The following ATAD3C variants were observed in gnomAD, a reference collection of about 807,000 sequenced individuals.
ATAD3C encodes the protein ATPase family AAA domain-containing protein 3C.
A neutral mutation model predicts 46.3 loss-of-function variants in ATAD3C; 38 were observed. That is an observed-to-expected ratio of 0.82 (90% CI 0.63 to 1.08). The LOEUF is 1.08. Among genes scored for constraint, ATAD3C ranks in the 50% least tolerant of loss-of-function variants. The pLI, the probability that ATAD3C is intolerant of heterozygous loss-of-function variation, is 0.00. For synonymous variants in ATAD3C, 220 were observed against 236.4 expected, an observed-to-expected ratio of 0.93 and a Z score of 0.63; for missense variants, 563 against 572.7, an observed-to-expected ratio of 0.98 and a Z score of 0.17.
rs909665847 is a variant in ATAD3C, at chr1:1,462,280, T to A, written c.981-320T>A. 6.6e-6 allele frequency among the ~76,000 whole-genome samples: 1 copy of A among 152,024 alleles called. No homozygotes were observed. Among genetic ancestry groups the A allele is most frequent in the African/African-American group, 2.4e-5 (1 of 41,398 alleles). ...GCACCATGACCTGGCTTCTGTGGCC[T>A]CCAGGCAGAAGCTTTTTTGCTAGAA... On this transcript the variant is annotated intron_variant, in intron 10 of 11. Transcript: ENST00000378785. This position sits in a 1 kb window ranked among gnomAD's most constrained non-coding sequence, Gnocchi z 4.5.
Position 1,455,733 on chromosome 1 carries a change from C to T in ATAD3C, c.439-58C>T, listed in dbSNP as rs937472713. The stretch of plus-strand genomic sequence containing the variant: ...CACCCAGGCATTCTCGCAGCCCCTG[C>T]CCCCGAGGCTTCTGTGGGTGCAGAC... On this transcript the variant is annotated intron_variant, in intron 5 of 11. Transcript: ENST00000378785. 8.1e-6 allele frequency: 13 copies of T among 1,604,890 alleles called. 1 individual carries two copies. Among genetic ancestry groups the T allele is most frequent in the African/African-American group, 4.0e-5 (3 of 74,550 alleles).
chr1:1,455,898 G>A lies in ATAD3C; in HGVS notation c.546G>A (p.Gly182=). Residue 182 remains glycine, a synonymous_variant, in exon 6 of 12, where the codon GGG becomes GGA. Transcript: ENST00000378785. The part of the protein sequence containing the change: ...HILLYGPPGT[G]KTLFAKKLAL... ...TGCTGTACGGGCCACCAGGCACCGG[G>A]AAGACGCTGTTTGCCAAGGTGAGAG... is the stretch of plus-strand genomic sequence containing the variant. The A allele has an allele frequency of 6.2e-7, 1 of 1,613,296 alleles. No individual in the cohort carries two copies. Among genetic ancestry groups the A allele is most frequent in the South Asian group, 1.1e-5 (1 of 91,008 alleles).
At position 1,468,487 on chromosome 1, in the gene ATAD3C, A is replaced by C; in HGVS notation, c.1193A>C (p.Lys398Thr). 3 of 1,611,712 alleles carry C rather than the reference A, an allele frequency of 1.9e-6. No individual in the cohort carries two copies. Among genetic ancestry groups the C allele is most frequent in the Non-Finnish European group, 2.5e-6 (3 of 1,179,030 alleles). The change falls in exon 12 of 12, where the codon AAG (lysine) becomes ACG (threonine). Residue 398 changes from lysine (K) to threonine (T), a missense_variant. Coordinates refer to ENST00000378785, the MANE Select transcript of ATAD3C (RefSeq NM_001039211.3). Reference protein sequence around the residue: ...QQHQQMMRWLKGERPGPEDEQ... With the variant: ...QQHQQMMRWLTGERPGPEDEQ... ...CACCAGCAGATGATGCGCTGGCTGAAGGGGGAGAGGCCTGGGCCCGAGGAC... is the reference window on the plus strand; with the variant it reads ...CACCAGCAGATGATGCGCTGGCTGACGGGGGAGAGGCCTGGGCCCGAGGAC...
intron 9 of ATAD3C, among the ~76,000 whole-genome samples, chr1:1,460,217 C>T (rs1306252648): frequency 2.6e-5 from 4 of 151,844 alleles, no homozygotes; most frequent in African/African-American, 4.8e-5. Flanking sequence ...GGATGACAGG[C>T]GTGCGCCACC....
chr1:1,455,600 C>A, intron 5 of ATAD3C, 81 bp downstream of exon 5: 2 of 1,599,710 alleles, frequency 1.3e-6, no homozygotes, highest in East Asian at 2.2e-5. Context: ...TGCTGGCGCT[C>A]CTGGTGGCGC....
intron 11 of ATAD3C, among the ~76,000 whole-genome samples, chr1:1,466,527 T>G (rs1639145314): frequency 7.7e-6 from 1 of 130,056 alleles, no homozygotes; most frequent in Non-Finnish European, 1.6e-5. Flanking sequence ...CAGAAGGAGA[T>G]GTCATCTCAA....
rs376940348 is a variant in ATAD3C, at chr1:1,450,497, G to T, written c.-187G>T. 1 of 724,648 alleles carries T rather than the reference G, an allele frequency of 1.4e-6. No homozygotes were observed. The highest frequency in any genetic ancestry group is 1.8e-5 in the African/African-American group (1 of 56,836). 44.9% of individuals were successfully genotyped at this position (724,648 alleles called of 1,614,324 possible). On this transcript the variant is annotated 5_prime_UTR_variant, in exon 1 of 12. Coordinates refer to ENST00000378785, the MANE Select transcript of ATAD3C (RefSeq NM_001039211.3). ...TAAAACCTCACAAATGCATCAGGCC[G>T]TGTGCTGGGGATGGGGCATCGTCAC...
chr1:1,452,104 CCTT>C lies in ATAD3C; in HGVS notation c.138_140del (p.Phe46del), dbSNP rs771962278. The C allele has an allele frequency of 1.2e-5, 20 of 1,613,576 alleles. 2 individuals carry two copies. Among genetic ancestry groups the C allele is most frequent in the Non-Finnish European group, 1.6e-5 (19 of 1,179,654 alleles). The stretch of plus-strand genomic sequence containing the variant: ...GAGTCCGTGCAGAAGCACCATCAGA[CCTT>C]CTTGGAGTCCATCAGGTGAGCGCTG... On this transcript the variant is annotated inframe_deletion, in exon 2 of 12. Transcript: ENST00000378785.
At chr1:1,461,426 G>T (rs1398201669) in intron 10 of ATAD3C, among the ~76,000 whole-genome samples, 2 of 152,014 alleles carry the variant, frequency 1.3e-5, no homozygotes, top group African/African-American at 4.8e-5. Flanking sequence ...GACCTCAGGT[G>T]ATCCGCCCGC....
In ATAD3C at chr1:1,450,807, G is replaced by A. The variant is rs773125518; in HGVS notation, c.75+49G>A. On this transcript the variant is annotated intron_variant, in intron 1 of 11. Transcript: ENST00000378785. ...GGAGGCCGGGGCACACATGGGGTTC[G>A]GGCGTGGAGATTGGTAGGGCTACTG... The A allele has an allele frequency of 5.8e-5, 93 of 1,607,288 alleles. 1 individual carries two copies. Among genetic ancestry groups the A allele is most frequent in the Non-Finnish European group, 7.1e-5 (84 of 1,177,382 alleles).
Position 1,459,072 on chromosome 1 carries a change from C to T in ATAD3C, c.742-89C>T, listed in dbSNP as rs1166977537. 2 of 1,566,420 alleles carry T rather than the reference C, an allele frequency of 1.3e-6. No homozygotes were observed. Among genetic ancestry groups the T allele is most frequent in the African/African-American group, 2.7e-5 (2 of 73,704 alleles). ...GAAAGTGTCGCCATGTCCCTGCTCC[C>T]TGCAGGAGGGAGGCCTGTGGGACTT... On this transcript the variant is annotated intron_variant, in intron 8 of 11. Coordinates refer to ENST00000378785, the MANE Select transcript of ATAD3C (RefSeq NM_001039211.3). The surrounding 1 kb of genome is among the most constrained non-coding windows in gnomAD (Gnocchi z 4.9).
chr1:1,466,009 G>A (rs1166111146), intron 11 of ATAD3C, among the ~76,000 whole-genome samples: 1 of 151,890 alleles, frequency 6.6e-6, no homozygotes, highest in Non-Finnish European at 1.5e-5. Flanking sequence ...ATAAAAGTGT[G>A]AGGTGGGTGG....
At chr1:1,457,097 C>T in intron 7 of ATAD3C, 32 bp from the exon 8 acceptor site, 1 of 1,612,626 alleles carries the variant, frequency 6.2e-7, no homozygotes, top group Non-Finnish European at 8.5e-7. Flanking sequence ...TGGCATCACT[C>T]TCACCCAGCT....
In ATAD3C at chr1:1,450,618, G is replaced by A. The variant is rs898875304; in HGVS notation, c.-66G>A. 19 of 1,556,534 alleles carry A rather than the reference G, an allele frequency of 1.2e-5. No homozygotes were observed. The African/African-American group carries it at 1.8e-4, about 14-fold the overall frequency. On this transcript the variant is annotated 5_prime_UTR_variant, in exon 1 of 12. Coordinates refer to ENST00000378785, the MANE Select transcript of ATAD3C (RefSeq NM_001039211.3). ...TTCCAGAAAGCCCCTTGGCTGGTGT[G>A]CGTGCCTGCCCAGCGGCATCCGTGT...
In ATAD3C at chr1:1,459,116, A is replaced by G; in HGVS notation, c.742-45A>G. ...GGGACTTTCTGCTGTGGCTGTTTAC[A>G]AGGCTTTGCTCCTGGTGCCTAAGGC... On this transcript the variant is annotated intron_variant, in intron 8 of 11. Transcript: ENST00000378785. This position sits in a 1 kb window ranked among gnomAD's most constrained non-coding sequence, Gnocchi z 4.9. 1 of 1,563,838 alleles carries G rather than the reference A, an allele frequency of 6.4e-7. No homozygotes were observed. The highest frequency in any genetic ancestry group is 8.6e-7 in the Non-Finnish European group (1 of 1,157,824).
intron 9 of ATAD3C, among the ~76,000 whole-genome samples, chr1:1,460,539 G>A (rs1222753180): frequency 6.6e-6 from 1 of 152,084 alleles, no homozygotes; most frequent in Non-Finnish European, 1.5e-5. Flanking sequence ...CAGAGGCCCA[G>A]GAAGCCGGGC....
At chr1:1,457,574 C>A (rs576316792) in intron 8 of ATAD3C, among the ~76,000 whole-genome samples, 6 of 120,118 alleles carry the variant, frequency 5.0e-5, no homozygotes, top group Admixed American at 2.2e-4. Context: ...CCAGCCTGGG[C>A]GACACAGCGA....
chr1:1,452,067 C>T lies in ATAD3C; in HGVS notation c.97C>T (p.Arg33Trp), dbSNP rs146946254. The T allele has an allele frequency of 8.0e-5, 129 of 1,613,646 alleles. No individual in the cohort carries two copies. In the East Asian group the frequency reaches 2.3e-3, roughly 28 times the overall value. ...KLKQLVNEDL[R>W]KQEESVQKHH... The stretch of plus-strand genomic sequence containing the variant: ...TCAGCAACTTGTCAATGAGGATTTA[C>T]GGAAGCAGGAGGAGTCCGTGCAGAA... The change falls in exon 2 of 12, where the codon CGG (arginine) becomes TGG (tryptophan). Residue 33 changes from arginine to tryptophan, a missense_variant. Coordinates refer to ENST00000378785, the MANE Select transcript of ATAD3C (RefSeq NM_001039211.3).
Position 1,452,087 on chromosome 1 carries a change from G to A in ATAD3C, c.117G>A (p.Val39=), listed in dbSNP as rs760480398. Residue 39 remains valine (V), a synonymous_variant, in exon 2 of 12, where the codon GTG becomes GTA. Transcript: ENST00000378785. The part of the protein sequence containing the change: ...NEDLRKQEES[V]QKHHQTFLES... Reference sequence around the variant, plus strand: ...ATTTACGGAAGCAGGAGGAGTCCGTGCAGAAGCACCATCAGACCTTCTTGG... The same window carrying A: ...ATTTACGGAAGCAGGAGGAGTCCGTACAGAAGCACCATCAGACCTTCTTGG... The A allele has an allele frequency of 1.9e-6, 3 of 1,613,696 alleles. No individual in the cohort carries two copies. The South Asian group carries it at 3.3e-5, about 18-fold the overall frequency.
Sources: gnomAD v4.1 joint callset for allele counts (sites outside exome capture counted in the v4.1 genomes callset) on GRCh38, gnomAD v4.1.1 for gene constraint, Gnocchi (gnomAD v3.1) non-coding constraint, MANE v1.5 for transcripts, NCBI Gene and HGNC (gene_info 2026-07-23, HGNC 2026-07-21) for gene names.